The following TNR variants were observed in gnomAD, a reference collection of about 807,000 sequenced individuals.
The protein encoded by TNR is tenascin-R.
In TNR, 45 loss-of-function variants were observed where a neutral mutation model predicts 150.4. That is an observed-to-expected ratio of 0.30 (90% CI 0.24 to 0.38). The LOEUF is 0.38. TNR is among the 10% of genes least tolerant of loss of function. TNR has a pLI of 1.00. For missense variants in TNR, 1,544 were observed against 1,759.1 expected (o/e 0.88, Z 2.19); for synonymous variants, 687 against 678.4 (o/e 1.01, Z -0.20).
intron 1 of TNR, among the ~76,000 whole-genome samples, chr1:175,607,557 C>T (rs752199706): frequency 8.5e-5 from 13 of 152,204 alleles, no homozygotes; most frequent in South Asian, 4.1e-4. Context: ...TCTTATCTTC[C>T]GGGTAAGACC....
intron 2 of TNR, among the ~76,000 whole-genome samples, chr1:175,518,770 G>GC (rs1557982654): frequency 6.6e-6 from 1 of 151,496 alleles, no homozygotes. Flanking sequence ...CTCCCTTATC[G>GC]CCCCCTCTAC....
At chr1:175,532,034 C>T (rs1250963191) in intron 1 of TNR, among the ~76,000 whole-genome samples, 1 of 152,192 alleles carries the variant, frequency 6.6e-6, no homozygotes. Context: ...AGAAAGACAC[C>T]TGCTGGGCCA....
intron 2 of TNR, among the ~76,000 whole-genome samples, chr1:175,493,088 G>T (rs1204519228): frequency 6.6e-6 from 1 of 152,042 alleles, no homozygotes; most frequent in Non-Finnish European, 1.5e-5. Context: ...CCGTCAGAAG[G>T]CAGGTGTCAT....
At chr1:175,624,836 T>C (rs1664095497) in intron 1 of TNR, among the ~76,000 whole-genome samples, 1 of 151,988 alleles carries the variant, frequency 6.6e-6, no homozygotes, top group African/African-American at 2.4e-5. Flanking sequence ...GCAGAGAAGA[T>C]AGAGTTCCAA....
intron 10 of TNR, 92 bp downstream of exon 10, chr1:175,367,116 C>T: frequency 8.8e-7 from 1 of 1,141,944 alleles, no homozygotes; most frequent in South Asian, 1.3e-5. Flanking sequence ...GAAGACATTG[C>T]TTTCTGATTA....
chr1:175,635,025 C>T (rs978815588), intron 1 of TNR, among the ~76,000 whole-genome samples: 9 of 152,298 alleles, frequency 5.9e-5, no homozygotes, highest in African/African-American at 2.2e-4. Context: ...TGGGGTGCTA[C>T]AGAGGCTGGC....
In TNR at chr1:175,365,022, A is replaced by G. The variant is rs776226300; in HGVS notation, c.2575T>C (p.Ser859Pro). ...CCTCCAGCCTCACCTGTGGTGATGG[A>G]GCCCACAATGGGCTCAGAGGTCACT... The part of the protein sequence containing the change: ...GTVTSEPIVG[S>P]ITTGIDPPKD... Residue 859 changes from serine (S) to proline (P), a missense_variant, in exon 12 of 23, where the codon TCC (serine) becomes CCC (proline). Around this residue, in one of 2 missense-constraint regions of TNR, gnomAD observed 1,254 missense variants for 1,329.4 expected, o/e 0.94. Transcript: ENST00000367674. 1 of 1,606,760 alleles carries G rather than the reference A, an allele frequency of 6.2e-7. No homozygotes were observed. The highest frequency in any genetic ancestry group is 8.5e-7 in the Non-Finnish European group (1 of 1,174,160).
At chr1:175,590,290 G>C (rs750125124) in intron 1 of TNR, among the ~76,000 whole-genome samples, 5 of 152,034 alleles carry the variant, frequency 3.3e-5, no homozygotes, top group Non-Finnish European at 7.4e-5. Context: ...TTCTAAAAAT[G>C]ATAAAATAAA....
At position 175,335,822 on chromosome 1, in the gene TNR, A is replaced by G. The variant is rs536357106; in HGVS notation, c.3535-15T>C. 1.3e-5 allele frequency: 21 copies of G among 1,596,742 alleles called. No individual in the cohort carries two copies. Among genetic ancestry groups the G allele is most frequent in the Admixed American group, 3.6e-5 (2 of 56,070 alleles). On this transcript the variant is annotated splice_polypyrimidine_tract_variant and intron_variant, in intron 19 of 22. Transcript: ENST00000367674. ...CTCTGGAATACCTATGAAGGAAATA[A>G]AAAAACAAAAAACAAACAAACAAAA...
At chr1:175,598,374 T>C (rs540725592) in intron 1 of TNR, among the ~76,000 whole-genome samples, 1 of 152,356 alleles carries the variant, frequency 6.6e-6, no homozygotes, top group African/African-American at 2.4e-5. Flanking sequence ...TCATTAGTTA[T>C]ATCATTGAAA....
At chr1:175,651,930 T>G (rs572327790) in intron 1 of TNR, among the ~76,000 whole-genome samples, 1 of 151,548 alleles carries the variant, frequency 6.6e-6, no homozygotes, top group African/African-American at 2.4e-5. Context: ...AATTACTATG[T>G]TCATGGATGA....
At position 175,550,811 on chromosome 1, in the gene TNR, CCATG is replaced by C. The variant is rs1660909696; in HGVS notation, c.-164-22446_-164-22443del. Among the ~76,000 whole-genome samples the C allele has an allele frequency of 2.0e-5, 3 of 151,342 alleles. No homozygotes were observed. In the South Asian group the frequency reaches 6.3e-4, roughly 32 times the overall value. On this transcript the variant is annotated intron_variant, in intron 1 of 22. Transcript: ENST00000367674. Reference sequence around the variant, plus strand: ...AACCTAAGCAAAAACAATATTTCATCCATGAAACAACAAAATAGGATCCTACTTA... The same window carrying C: ...AACCTAAGCAAAAACAATATTTCATCAAACAACAAAATAGGATCCTACTTA...
At chr1:175,345,747 A>AAAAGAGG (rs1241659464) in intron 18 of TNR, among the ~76,000 whole-genome samples, 2 of 152,114 alleles carry the variant, frequency 1.3e-5, no homozygotes, top group Non-Finnish European at 2.9e-5. Flanking sequence ...AAAGAAAAAT[A>AAAAGAGG]AAAGAGGAGA....
intron 1 of TNR, among the ~76,000 whole-genome samples, chr1:175,568,701 A>C (rs918349421): frequency 1.3e-5 from 2 of 152,150 alleles, no homozygotes; most frequent in African/African-American, 2.4e-5. Context: ...CACGGTTTCT[A>C]CTGCAAGGCA....
At chr1:175,396,516 T>G (rs750871571) in intron 5 of TNR, 28 bp downstream of exon 5, 10 of 1,598,460 alleles carry the variant, frequency 6.3e-6, no homozygotes, top group African/African-American at 1.3e-5. Flanking sequence ...AAAAGAAAAA[T>G]GAAGCAGGAC....
intron 1 of TNR, among the ~76,000 whole-genome samples, chr1:175,693,702 G>A (rs938547522): frequency 2.0e-5 from 3 of 152,168 alleles, no homozygotes; most frequent in South Asian, 4.1e-4. Context: ...TGAATCTCAC[G>A]TCTACAGCCC....
intron 20 of TNR, among the ~76,000 whole-genome samples, chr1:175,331,025 C>CTTTCTTTCTTTCTTTCTTTCTTTCTTTCT (rs1649744349): frequency 3.0e-5 from 2 of 66,782 alleles, no homozygotes; most frequent in African/African-American, 1.0e-4. Context: ...TTCTTTCTTT[C>CTTTCTTTCTTTCTTTCTTTCTTTCTTTCT]TTTCTTTCTT....
chr1:175,481,457 G>A (rs1353605002), intron 2 of TNR, among the ~76,000 whole-genome samples: 2 of 152,088 alleles, frequency 1.3e-5, no homozygotes, highest in Non-Finnish European at 2.9e-5. Context: ...TAAGACCCTC[G>A]TTGGAGGAAT....
chr1:175,369,666 G>GC (rs3216197), intron 9 of TNR, among the ~76,000 whole-genome samples: 1 of 151,912 alleles, frequency 6.6e-6, no homozygotes, highest in South Asian at 2.1e-4. Context: ...AGCTAGAGAT[G>GC]CCCCCCCGGA....
Sources: allele counts gnomAD v4.1 joint callset (sites outside exome capture counted in the v4.1 genomes callset), GRCh38; gene constraint gnomAD v4.1.1; regional missense constraint gnomAD v4.1.1; transcripts MANE v1.5; gene names NCBI Gene and HGNC (gene_info 2026-07-23, HGNC 2026-07-21).